Variants in CNTN5 observed in about 807,000 individuals in gnomAD.
The protein encoded by CNTN5 is contactin 5.
CNTN5 carries 77 observed loss-of-function variants against 129.1 expected under a neutral mutation model. The ratio of observed to expected loss-of-function variants is 0.60; its 90% CI spans 0.50 to 0.72. CNTN5 has a LOEUF of 0.72. Among genes scored for constraint, CNTN5 ranks in the 30% least tolerant of loss-of-function variants. The probability of loss-of-function intolerance (pLI) is 0.00; values close to 1 mark genes in which losing one functional copy is unlikely to be tolerated. For synonymous variants in CNTN5, 509 were observed against 465.6 expected, an observed-to-expected ratio of 1.09 and a Z score of -1.20; for missense variants, 1,478 against 1,328.8, an observed-to-expected ratio of 1.11 and a Z score of -1.75.
intron 2 of CNTN5, among the ~76,000 whole-genome samples, chr11:99,404,105 A>C (rs1941960604): frequency 6.6e-6 from 1 of 152,096 alleles, no homozygotes; most frequent in African/African-American, 2.4e-5. Context: ...ATCATTATAT[A>C]GGGACCTTCT....
intron 8 of CNTN5, among the ~76,000 whole-genome samples, chr11:99,992,965 A>T (rs1051566557): frequency 6.6e-6 from 1 of 152,164 alleles, no homozygotes; most frequent in Non-Finnish European, 1.5e-5. Context: ...TGAGCTATAT[A>T]TTCAGCTCCA....
rs7130179 is a variant in CNTN5 at position 100,289,458 on chromosome 11, C to T, written c.2315-8167C>T. Among the ~76,000 whole-genome samples, 48 of 150,878 alleles carry T rather than the reference C, an allele frequency of 3.2e-4. 1 individual carries two copies. Among genetic ancestry groups the T allele is most frequent in the South Asian group, 4.2e-4 (2 of 4,774 alleles). ...TGGGATGCAAGGCTGGTTCAATATA[C>T]GCAAATCAATAAATGTAATCCAGCA... is the stretch of plus-strand genomic sequence containing the variant. On this transcript the variant is annotated intron_variant, in intron 18 of 24. Coordinates refer to ENST00000524871, the MANE Select transcript of CNTN5 (RefSeq NM_014361.4).
At chr11:99,988,600 G>T (rs1407773881) in intron 8 of CNTN5, among the ~76,000 whole-genome samples, 1 of 152,168 alleles carries the variant, frequency 6.6e-6, no homozygotes, top group Non-Finnish European at 1.5e-5. Context: ...CATGATAAGA[G>T]AAATGGTATA....
chr11:99,312,077 C>T (rs1159643277), intron 1 of CNTN5, among the ~76,000 whole-genome samples: 1 of 152,116 alleles, frequency 6.6e-6, no homozygotes, highest in African/African-American at 2.4e-5. Flanking sequence ...GACTGGGTTG[C>T]ATCACGTGAT....
intron 10 of CNTN5, among the ~76,000 whole-genome samples, chr11:100,068,285 G>T (rs1323088015): frequency 6.6e-6 from 1 of 152,070 alleles, no homozygotes; most frequent in Admixed American, 6.6e-5. Context: ...AACAAGCTAC[G>T]ACATGAATAT....
rs116745481 is a variant in CNTN5, at chr11:100,159,179, T to C, written c.1581-31947T>C. Among the ~76,000 whole-genome samples the C allele has an allele frequency of 5.2e-3, 785 of 151,642 alleles. 8 individuals carry two copies. The highest frequency in any genetic ancestry group is 0.018 in the African/African-American group (745 of 41,416). On this transcript the variant is annotated intron_variant, in intron 13 of 24. Transcript: ENST00000524871. Reference sequence around the variant, plus strand: ...TGAATAATCATCACCAAAGTCAGACTGGTATTGCATAGATTTGTCTTGTGA... The same window carrying C: ...TGAATAATCATCACCAAAGTCAGACCGGTATTGCATAGATTTGTCTTGTGA...
At chr11:99,581,749 T>G (rs1265318360) in intron 3 of CNTN5, among the ~76,000 whole-genome samples, 2 of 152,240 alleles carry the variant, frequency 1.3e-5, no homozygotes, top group African/African-American at 2.4e-5. Context: ...ATGGGTTTCC[T>G]GAATACAGCA....
chr11:99,954,819 A>G (rs1203673131), intron 7 of CNTN5, among the ~76,000 whole-genome samples: 1 of 152,152 alleles, frequency 6.6e-6, no homozygotes, highest in Non-Finnish European at 1.5e-5. Flanking sequence ...TACTTTTTAT[A>G]CTTCTTGGAA....
intron 3 of CNTN5, among the ~76,000 whole-genome samples, chr11:99,583,900 C>A (rs1204349266): frequency 6.6e-6 from 1 of 152,118 alleles, no homozygotes; most frequent in East Asian, 1.9e-4. Context: ...CAGAAATCAC[C>A]CATCTTCTGC....
intron 1 of CNTN5, among the ~76,000 whole-genome samples, chr11:99,213,356 G>A (rs374563419): frequency 0.093 from 11,996 of 129,316 alleles, 658 homozygotes; most frequent in African/African-American, 0.11. Context: ...TATTATATAT[G>A]TGTATATATG....
intron 8 of CNTN5, among the ~76,000 whole-genome samples, 198 bp downstream of exon 8, chr11:99,957,207 A>G (rs1036205668): frequency 6.6e-6 from 1 of 152,188 alleles, no homozygotes; most frequent in Non-Finnish European, 1.5e-5. Flanking sequence ...TTGATGATCC[A>G]TGGTTGAGAA....
At chr11:99,584,066 A>G (rs1202197027) in intron 3 of CNTN5, among the ~76,000 whole-genome samples, 1 of 152,188 alleles carries the variant, frequency 6.6e-6, no homozygotes, top group Non-Finnish European at 1.5e-5. Flanking sequence ...ATAATTTTTT[A>G]CTGGGATCAA....
At chr11:99,660,468 A>G (rs1591439161) in intron 3 of CNTN5, among the ~76,000 whole-genome samples, 1 of 152,254 alleles carries the variant, frequency 6.6e-6, no homozygotes, top group Admixed American at 6.5e-5. Context: ...CAACTTAAAT[A>G]TGTGCAGTTT....
At chr11:99,650,971 A>T (rs1952133444) in intron 3 of CNTN5, among the ~76,000 whole-genome samples, 1 of 151,986 alleles carries the variant, frequency 6.6e-6, no homozygotes, top group Non-Finnish European at 1.5e-5. Context: ...CCAAGTTTCT[A>T]CCTTCAGAAA....
At chr11:99,225,341 G>C (rs1475225156) in intron 1 of CNTN5, among the ~76,000 whole-genome samples, 1 of 152,112 alleles carries the variant, frequency 6.6e-6, no homozygotes, top group Non-Finnish European at 1.5e-5. Flanking sequence ...CCGCTGGAAA[G>C]GCTATTGCCT....
chr11:100,031,195 T>G (rs973606764), intron 9 of CNTN5, among the ~76,000 whole-genome samples: 1 of 152,310 alleles, frequency 6.6e-6, no homozygotes, highest in Non-Finnish European at 1.5e-5. Flanking sequence ...GCACATGAAC[T>G]TCTATATCAC....
intron 13 of CNTN5, among the ~76,000 whole-genome samples, chr11:100,089,693 C>T (rs1057327277): frequency 3.9e-5 from 6 of 152,230 alleles, no homozygotes; most frequent in Non-Finnish European, 7.4e-5. Flanking sequence ...GGTACATATA[C>T]GTCATGGAAT....
chr11:100,282,485 A>G (rs1203107446), intron 18 of CNTN5, among the ~76,000 whole-genome samples: 1 of 152,228 alleles, frequency 6.6e-6, no homozygotes, highest in Non-Finnish European at 1.5e-5. Context: ...ATGAAGTGAC[A>G]TAAGTACCCT....
At chr11:100,131,698 A>G (rs1418817807) in intron 13 of CNTN5, among the ~76,000 whole-genome samples, 2 of 152,110 alleles carry the variant, frequency 1.3e-5, no homozygotes, top group African/African-American at 4.8e-5. Context: ...ATGTCTGAAA[A>G]TAAAGCCAAA....
Sources: allele counts gnomAD v4.1 joint callset (sites outside exome capture counted in the v4.1 genomes callset), GRCh38; gene constraint gnomAD v4.1.1; transcripts MANE v1.5; gene names NCBI Gene and HGNC (gene_info 2026-07-23, HGNC 2026-07-21).